PFAS: variants seen among roughly 807,000 people sequenced by gnomAD.
The protein encoded by PFAS is phosphoribosylformylglycinamidine synthase.
Under a neutral mutation model 140.6 loss-of-function variants are expected in PFAS, and 97 were observed. The ratio of observed to expected loss-of-function variants is 0.69; its 90% CI spans 0.59 to 0.82. The LOEUF (loss-of-function observed/expected upper bound fraction) is 0.82. Ranked by LOEUF, PFAS falls within the 40% of genes least tolerant of loss-of-function variation. The probability of loss-of-function intolerance (pLI) is 0.00; values close to 1 mark genes in which losing one functional copy is unlikely to be tolerated. For synonymous variants in PFAS, 679 were observed against 718.8 expected, an observed-to-expected ratio of 0.94 and a Z score of 0.88; for missense variants, 1,656 against 1,780.2, an observed-to-expected ratio of 0.93 and a Z score of 1.26.
At position 8,267,214 on chromosome 17, in the gene PFAS, G is replaced by A; in HGVS notation, c.3154G>A (p.Ala1052Thr). 1 of 1,607,738 alleles carries A rather than the reference G, an allele frequency of 6.2e-7. No homozygotes were observed. The highest frequency in any genetic ancestry group is 2.2e-5 in the East Asian group (1 of 44,714). Reference protein sequence around the residue: ...SYCLPPTFPKASVPREPGGPS... With the variant: ...SYCLPPTFPKTSVPREPGGPS... ...TTGCCTGCCCCCCACCTTTCCCAAAGCCTCCGTGCCCCGTGAGCCTGGTGA... is the reference window on the plus strand; with the variant it reads ...TTGCCTGCCCCCCACCTTTCCCAAAACCTCCGTGCCCCGTGAGCCTGGTGA... The change falls in exon 24 of 28, where the codon GCC becomes ACC. Residue 1052 changes from alanine (A) to threonine (T), a missense_variant. Coordinates refer to ENST00000314666, the MANE Select transcript of PFAS (RefSeq NM_012393.3). The surrounding 1 kb of genome is among the most constrained non-coding windows in gnomAD (Gnocchi z 4.9).
intron 27 of PFAS, 24 bp downstream of exon 27, chr17:8,268,880 G>C: frequency 6.2e-7 from 1 of 1,611,502 alleles, no homozygotes; most frequent in East Asian, 2.2e-5. Context: ...AAGGCTGGGG[G>C]AGGGCCCGAG....
intron 1 of PFAS, among the ~76,000 whole-genome samples, chr17:8,253,378 C>A (rs1213092890): frequency 6.6e-6 from 1 of 152,126 alleles, no homozygotes; most frequent in East Asian, 1.9e-4. Flanking sequence ...TTAATAAAGA[C>A]CACATTTTGC....
upstream of PFAS, chr17:8,248,209 C>T: frequency 3.2e-6 from 2 of 618,128 alleles, no homozygotes; most frequent in Non-Finnish European, 5.8e-6. Flanking sequence ...CTCGGTGCAC[C>T]ATCCCAACTC....
In PFAS at chr17:8,265,652, C is replaced by T. The variant is rs773372699; in HGVS notation, c.2545+13C>T. The T allele has an allele frequency of 1.2e-6, 2 of 1,605,052 alleles. No individual in the cohort carries two copies. Among genetic ancestry groups the T allele is most frequent in the Admixed American group, 1.7e-5 (1 of 59,982 alleles). On this transcript the variant is annotated intron_variant, in intron 20 of 27. Transcript: ENST00000314666. ...CCTGAAGGGAGAGGTATGGACATGGCCCCATCCTTTGTGATCTTTGCTTGT... is the reference window on the plus strand; with the variant it reads ...CCTGAAGGGAGAGGTATGGACATGGTCCCATCCTTTGTGATCTTTGCTTGT...
rs199706875 is a variant in PFAS, at chr17:8,269,216, C to G, written c.3969C>G (p.Leu1323=). 1.7e-5 allele frequency: 28 copies of G among 1,613,142 alleles called. No homozygotes were observed. The East Asian group carries it at 2.2e-4, about 13-fold the overall frequency. Residue 1323 remains leucine (L), a synonymous_variant, in exon 28 of 28, where the codon CTC becomes CTG. Transcript: ENST00000314666. ...ATACTCTGACCACCTCCCCCTGGCT[C>G]CAGCTCTTTATCAATGCCCGAAACT... ...PFDTLTTSPW[L]QLFINARNWT...
chr17:8,255,122 AC>A lies in PFAS; in HGVS notation c.376del (p.Arg126GlyfsTer24). 1 of 1,609,830 alleles carries A rather than the reference AC, an allele frequency of 6.2e-7. No individual in the cohort carries two copies. Among genetic ancestry groups the A allele is most frequent in the East Asian group, 2.2e-5 (1 of 44,846 alleles). ...PVDRVETTRRYRLSFAHPPSA... is the reference protein window; with the variant it reads ...PVDRVETTRRXRLSFAHPPSA... ...GATCGTGTGGAGACCACCCGGCGCT[AC>A]CGGCTCTCGGTGAGGTGATGGGGAA... On this transcript the variant is annotated frameshift_variant, in exon 4 of 28. Coordinates refer to ENST00000314666, the MANE Select transcript of PFAS (RefSeq NM_012393.3). LOFTEE classifies it high-confidence loss of function.
chr17:8,252,551 G>A (rs1014245280), intron 1 of PFAS, among the ~76,000 whole-genome samples: 4 of 150,998 alleles, frequency 2.6e-5, no homozygotes, highest in Non-Finnish European at 5.9e-5. Flanking sequence ...TTACAGGCAC[G>A]CATCACCACG....
At chr17:8,249,177 C>G (rs867330527), upstream of PFAS, 41 of 152,318 alleles carry the variant, frequency 2.7e-4, no homozygotes, top group African/African-American at 9.9e-4. Flanking sequence ...TAAACCTCTC[C>G]CCACCAAGAA....
In PFAS at chr17:8,268,581, G is replaced by A; in HGVS notation, c.3431G>A (p.Arg1144Lys). The stretch of plus-strand genomic sequence containing the variant: ...CATCCCAGGGCTGGGGCTGAGCTGA[G>A]GCGCTTCCGGAAGCGGCCAGACACC... The part of the protein sequence containing the change: ...TFHPRAGAEL[R>K]RFRKRPDTFS... The change falls in exon 27 of 28, where the codon AGG (arginine) becomes AAG (lysine). Residue 1144 changes from arginine (R) to lysine (K), a missense_variant. By Grantham distance (26) the Arg-to-Lys change is conservative. Coordinates refer to ENST00000314666, the MANE Select transcript of PFAS (RefSeq NM_012393.3). 1 of 1,612,786 alleles carries A rather than the reference G, an allele frequency of 6.2e-7. No homozygotes were observed. The highest frequency in any genetic ancestry group is 8.5e-7 in the Non-Finnish European group (1 of 1,179,950).
chr17:8,265,574 C>T lies in PFAS; in HGVS notation c.2480C>T (p.Ala827Val), dbSNP rs142338848. ...VRAPGSLVIS[A>V]YAVCPDITAT... is the part of the protein sequence containing the mutation. ...TCTACAGGGTCACTGGTCATCTCAG[C>T]CTATGCCGTCTGCCCAGACATCACA... The change falls in exon 20 of 28, where the codon GCC (alanine) becomes GTC (valine). Residue 827 changes from alanine (A) to valine (V), a missense_variant. Ala to Val is a moderately conservative substitution (Grantham distance 64, BLOSUM62 0). This residue lies in a region of PFAS where 883 missense variants were observed against 1,023.0 expected (regional missense o/e 0.86). Transcript: ENST00000314666. The T allele has an allele frequency of 5.0e-5, 81 of 1,614,018 alleles. No homozygotes were observed. In the African/African-American group the frequency reaches 8.9e-4, roughly 18 times the overall value.
At position 8,258,130 on chromosome 17, in the gene PFAS, C is replaced by G; in HGVS notation, c.1267C>G (p.Pro423Ala). The G allele has an allele frequency of 6.2e-7, 1 of 1,614,098 alleles. No individual in the cohort carries two copies. Among genetic ancestry groups the G allele is most frequent in the Non-Finnish European group, 8.5e-7 (1 of 1,180,000 alleles). Residue 423 changes from proline to alanine, a missense_variant, in exon 11 of 28, where the codon CCC (proline) becomes GCC (alanine). Pro to Ala is a conservative substitution (Grantham distance 27). Coordinates refer to ENST00000314666, the MANE Select transcript of PFAS (RefSeq NM_012393.3). ...PDGQRREWIK[P>A]IMFSGGIGSM... is the part of the protein sequence containing the mutation. ...CGGCCAGCGGCGTGAGTGGATCAAG[C>G]CCATCATGTTTAGTGGGGGCATTGG...
chr17:8,265,941 T>G lies in PFAS; in HGVS notation c.2625T>G (p.Leu875=). The G allele has an allele frequency of 6.2e-7, 1 of 1,613,800 alleles. No individual in the cohort carries two copies. The highest frequency in any genetic ancestry group is 8.5e-7 in the Non-Finnish European group (1 of 1,179,818). ...CTCTGGCCCAGTGCTTCTCCCAGCT[T>G]GGGGAACACCCTCCAGACCTGGACC... The part of the protein sequence containing the change: ...GTALAQCFSQ[L]GEHPPDLDLP... Residue 875 remains leucine (L), a synonymous_variant, in exon 21 of 28, where the codon CTT becomes CTG. Transcript: ENST00000314666.
At position 8,270,306 on chromosome 17, in the gene PFAS, G is replaced by A. The variant is rs1989970446; in HGVS notation, c.*1042G>A. The stretch of plus-strand genomic sequence containing the variant: ...TGATTAGTTATTATTGCAAAGCACT[G>A]TCACCGGCCTCAGGGAGTTTATGTG... On this transcript the variant is annotated 3_prime_UTR_variant, in exon 28 of 28. Transcript: ENST00000314666. 6.6e-6 allele frequency: 1 copy of A among 152,156 alleles called. No homozygotes were observed. Among genetic ancestry groups the A allele is most frequent in the South Asian group, 2.1e-4 (1 of 4,832 alleles). 9.4% of individuals were successfully genotyped at this position (152,156 alleles called of 1,614,324 possible). A position where few individuals can be genotyped will look rare whatever the true frequency, so the allele number is the denominator to read the frequency against.
At chr17:8,247,905 C>T, upstream of PFAS, 1 of 1,306,504 alleles carries the variant, frequency 7.7e-7, no homozygotes, top group Non-Finnish European at 1.1e-6. Context: ...CCGGACGCGG[C>T]CAGCGAGCCC....
chr17:8,256,259 C>G lies in PFAS; in HGVS notation c.681-8C>G. On this transcript the variant is annotated splice_polypyrimidine_tract_variant and splice_region_variant and intron_variant, in intron 6 of 27. Transcript: ENST00000314666. Reference sequence around the variant, plus strand: ...CCTGCCTTCCCCTCCCTGCATCGCCCCCTGCAGCGAGCACAGCCGACACTG... The same window carrying G: ...CCTGCCTTCCCCTCCCTGCATCGCCGCCTGCAGCGAGCACAGCCGACACTG... 6.2e-7 allele frequency: 1 copy of G among 1,613,498 alleles called. No homozygotes were observed. The highest frequency in any genetic ancestry group is 1.7e-4 in the Middle Eastern group (1 of 5,886).
intron 7 of PFAS, 39 bp downstream of exon 7, chr17:8,256,446 G>A: frequency 6.2e-7 from 1 of 1,613,906 alleles, no homozygotes; most frequent in Non-Finnish European, 8.5e-7. Context: ...AGGACCCGGG[G>A]AGGGGAGGCC....
At position 8,266,331 on chromosome 17, in the gene PFAS, T is replaced by A. The variant is rs1157656573; in HGVS notation, c.2799T>A (p.Asp933Glu). The change falls in exon 22 of 28, where the codon GAT becomes GAA. Residue 933 changes from aspartate (D) to glutamate (E), a missense_variant. This residue lies in a region of PFAS where 883 missense variants were observed against 1,023.0 expected (regional missense o/e 0.86). Coordinates refer to ENST00000314666, the MANE Select transcript of PFAS (RefSeq NM_012393.3). This position sits in a 1 kb window ranked among gnomAD's most constrained non-coding sequence, Gnocchi z 5.0. ...CTGGAAATTGCGGGCTACAGGTGGA[T>A]GTGCCTGTCCCCAGGGTTGATGGTA... Reference protein sequence around the residue: ...AFAGNCGLQVDVPVPRVDVLS... With the variant: ...AFAGNCGLQVEVPVPRVDVLS... 8.7e-6 allele frequency: 14 copies of A among 1,614,068 alleles called. No homozygotes were observed. The highest frequency in any genetic ancestry group is 1.2e-5 in the Non-Finnish European group (14 of 1,179,974).
chr17:8,258,016 T>C (rs1260630452), intron 10 of PFAS, 55 bp from the exon 11 acceptor site: 4 of 1,612,750 alleles, frequency 2.5e-6, no homozygotes, highest in East Asian at 2.2e-5. Flanking sequence ...GGCTGTGCTA[T>C]TGGGCGAGCA....
At chr17:8,261,431 G>A (rs1197859874) in intron 11 of PFAS, among the ~76,000 whole-genome samples, 1 of 151,848 alleles carries the variant, frequency 6.6e-6, no homozygotes, top group Non-Finnish European at 1.5e-5. Context: ...TAGAGATGGG[G>A]TTTCACCGTG....
Sources: allele counts gnomAD v4.1 joint callset (sites outside exome capture counted in the v4.1 genomes callset), GRCh38; gene constraint gnomAD v4.1.1; regional missense constraint gnomAD v4.1.1; non-coding constraint Gnocchi (gnomAD v3.1); transcripts MANE v1.5; gene names NCBI Gene and HGNC (gene_info 2026-07-23, HGNC 2026-07-21).